Variants in DNAH5 observed in about 807,000 individuals in gnomAD.
DNAH5 encodes the protein axonemal beta dynein heavy chain 5.
A neutral mutation model predicts 518.2 loss-of-function variants in DNAH5; 372 were observed. The observed-to-expected ratio is 0.72, with a 90% CI of 0.66 to 0.78. DNAH5 has a LOEUF of 0.78. DNAH5 is among the 30% of genes least tolerant of loss of function. The pLI is 0.00. For synonymous variants in DNAH5, 2,039 were observed against 2,025.9 expected (o/e 1.01, Z -0.17); for missense variants, 5,523 against 5,687.0 (o/e 0.97, Z 0.93).
chr5:13,984,677 G>C lies in DNAH5; in HGVS notation c.12+26971C>G, dbSNP rs1421548019. ...ATTGGCTGTGGGTTTGTCATAAATA[G>C]CTCTTATTATTTTTAGATATGTTCC... is the stretch of plus-strand genomic sequence containing the variant. On this transcript the variant is annotated intron_variant, in intron 1 of 78. Transcript: ENST00000681290. 2.6e-5 allele frequency among the ~76,000 whole-genome samples: 4 copies of C among 152,128 alleles called. No individual in the cohort carries two copies. In the East Asian group the frequency reaches 7.7e-4, roughly 29 times the overall value.
At chr5:14,009,654 G>A (rs1365128581) in intron 1 of DNAH5, among the ~76,000 whole-genome samples, 1 of 152,180 alleles carries the variant, frequency 6.6e-6, no homozygotes, top group Non-Finnish European at 1.5e-5. Context: ...AAACAGAGGA[G>A]GACTGGGCCA....
intron 51 of DNAH5, among the ~76,000 whole-genome samples, chr5:13,788,040 GA>G (rs1488526209): frequency 6.6e-6 from 1 of 152,026 alleles, no homozygotes; most frequent in Admixed American, 6.5e-5. Context: ...CTTCTGAGGG[GA>G]AAAAAAGTGG....
chr5:13,735,137 T>A lies in DNAH5; in HGVS notation c.11755A>T (p.Ile3919Phe), dbSNP rs1268213717. The A allele has an allele frequency of 5.0e-6, 8 of 1,613,830 alleles. No homozygotes were observed. Among genetic ancestry groups the A allele is most frequent in the Non-Finnish European group, 6.8e-6 (8 of 1,179,850 alleles). ...TCTCTATTCTTATATTGACCTTTAA[T>A]AAGAGTGAGAAACTCTTCATGCTTG... ...RVKHEEFLTLIKGGASLDLKA... is the reference protein window; with the variant it reads ...RVKHEEFLTLFKGGASLDLKA... Residue 3919 changes from isoleucine (I) to phenylalanine (F), a missense_variant, in exon 68 of 79, where the codon ATT (isoleucine) becomes TTT (phenylalanine). Ile to Phe is a conservative substitution (Grantham distance 21). Transcript: ENST00000265104.
chr5:13,752,082 C>T lies in DNAH5; in HGVS notation c.11028+52G>A, dbSNP rs115374116. The T allele has an allele frequency of 0.017, 27,120 of 1,588,642 alleles. 316 individuals carry two copies. The highest frequency in any genetic ancestry group is 0.021 in the Non-Finnish European group (24,285 of 1,157,274). The stretch of plus-strand genomic sequence containing the variant: ...GAGAATTCTATCTGTGTCACATTGA[C>T]CTGGCCTCATGGTAATTGTTCTGCA... On this transcript the variant is annotated intron_variant, in intron 64 of 78. Coordinates refer to ENST00000265104, the MANE Select transcript of DNAH5 (RefSeq NM_001369.3).
In DNAH5 at chr5:13,788,993, G is replaced by T. The variant is rs1315713680; in HGVS notation, c.8449-79C>A. On this transcript the variant is annotated intron_variant, in intron 50 of 78. Coordinates refer to ENST00000265104, the MANE Select transcript of DNAH5 (RefSeq NM_001369.3). Reference sequence around the variant, plus strand: ...GAATTCAGGTTGACAGTACTGTAGAGTATTATCCTTCCTGATTTAAGATTC... The same window carrying T: ...GAATTCAGGTTGACAGTACTGTAGATTATTATCCTTCCTGATTTAAGATTC... 6.3e-6 allele frequency: 8 copies of T among 1,266,238 alleles called. No homozygotes were observed. The African/African-American group carries it at 1.0e-4, about 16-fold the overall frequency. The allele number at this position is 1,266,238 out of a possible 1,614,324, so 78.4% of individuals were successfully genotyped here.
intron 40 of DNAH5, among the ~76,000 whole-genome samples, chr5:13,821,534 T>G (rs972401263): frequency 3.3e-5 from 5 of 152,186 alleles, no homozygotes; most frequent in Admixed American, 6.5e-5. Flanking sequence ...GCAGAGTGAC[T>G]AAGCAATTTG....
intron 27 of DNAH5, among the ~76,000 whole-genome samples, chr5:13,865,032 C>T (rs1354328922): frequency 4.3e-5 from 5 of 116,454 alleles, no homozygotes; most frequent in South Asian, 2.7e-4. Context: ...TTTTTTGAGA[C>T]GGAGTATAGC....
chr5:13,784,126 G>T (rs1755614234), intron 52 of DNAH5, among the ~76,000 whole-genome samples: 1 of 152,156 alleles, frequency 6.6e-6, no homozygotes, highest in South Asian at 2.1e-4. Context: ...ACTTGCTCAA[G>T]CACGACACTT....
At chr5:13,864,740 T>C (rs1768974651) in intron 27 of DNAH5, 103 bp from the exon 28 acceptor site, 3 of 1,258,790 alleles carry the variant, frequency 2.4e-6, no homozygotes, top group Non-Finnish European at 3.5e-6. Flanking sequence ...TCTCTTTGAA[T>C]ACTTATCCTA....
At chr5:13,839,611 A>C in intron 34 of DNAH5, 83 bp from the exon 35 acceptor site, 1 of 1,236,160 alleles carries the variant, frequency 8.1e-7, no homozygotes, top group Non-Finnish European at 1.2e-6. Context: ...TGTAGATCAT[A>C]AAGTGAAATA....
At chr5:13,990,759 T>C (rs1037306397) in intron 1 of DNAH5, among the ~76,000 whole-genome samples, 6 of 150,506 alleles carry the variant, frequency 4.0e-5, no homozygotes, top group Non-Finnish European at 8.9e-5. Flanking sequence ...CCCAGCTACT[T>C]GGGAGGCTGA....
At position 13,707,724 on chromosome 5, in the gene DNAH5, G is replaced by A. The variant is rs776485356; in HGVS notation, c.13338+399C>T. On this transcript the variant is annotated intron_variant, in intron 76 of 78. Transcript: ENST00000265104. This position sits in a 1 kb window ranked among gnomAD's most constrained non-coding sequence, Gnocchi z 4.0. The stretch of plus-strand genomic sequence containing the variant: ...TTTTGGTGTGACTTTTGATGTTAGG[G>A]TGAGGCATGTTTCCTTCTATGAAAC... 2.0e-5 allele frequency among the ~76,000 whole-genome samples: 3 copies of A among 152,060 alleles called. No homozygotes were observed. The highest frequency in any genetic ancestry group is 4.4e-5 in the Non-Finnish European group (3 of 68,024).
At chr5:14,009,793 C>T (rs1395046907) in intron 1 of DNAH5, among the ~76,000 whole-genome samples, 1 of 152,156 alleles carries the variant, frequency 6.6e-6, no homozygotes, top group Non-Finnish European at 1.5e-5. Context: ...AGTTGTAAAA[C>T]AGTGTTTACA....
At chr5:13,799,243 C>T (rs1454385481) in intron 47 of DNAH5, among the ~76,000 whole-genome samples, 2 of 140,524 alleles carry the variant, frequency 1.4e-5, no homozygotes, top group Admixed American at 1.4e-4. Flanking sequence ...TTTGCATTTG[C>T]TAAATTTGCT....
chr5:13,864,423 G>A lies in DNAH5; in HGVS notation c.4570C>T (p.Leu1524Phe), dbSNP rs774488352. 1.9e-6 allele frequency: 3 copies of A among 1,613,896 alleles called. No homozygotes were observed. The African/African-American group carries it at 4.0e-5, about 22-fold the overall frequency. Residue 1524 changes from leucine to phenylalanine, a missense_variant, in exon 28 of 79, where the codon CTT becomes TTT. By Grantham distance (22) the Leu-to-Phe change is conservative. This residue lies in a region of DNAH5 where 5,121 missense variants were observed against 5,223.3 expected (regional missense o/e 0.98). Transcript: ENST00000265104. ...TCTATTTCCTCTTTATATTTCAGAAGAGGTGCCTCCATGATATTTCTTAAC... is the reference window on the plus strand; with the variant it reads ...TCTATTTCCTCTTTATATTTCAGAAAAGGTGCCTCCATGATATTTCTTAAC... ...FKLRNIMEAP[L>F]LKYKEEIEDI...
rs142336133 is a variant in DNAH5, at chr5:13,836,734, T to C, written c.5882+2622A>G. On this transcript the variant is annotated intron_variant, in intron 35 of 78. Coordinates refer to ENST00000265104, the MANE Select transcript of DNAH5 (RefSeq NM_001369.3). ...TAAACATCTTACCTTCCACAGCTAA[T>C]GGGACTTTGCAGATGTCATTAATGT... Among the ~76,000 whole-genome samples the C allele has an allele frequency of 2.0e-3, 303 of 152,370 alleles. 1 individual carries two copies. The highest frequency in any genetic ancestry group is 7.0e-3 in the African/African-American group (289 of 41,582).
Position 13,894,646 on chromosome 5 carries a change from T to G in DNAH5, c.2431+4A>C. The G allele has an allele frequency of 1.2e-6, 2 of 1,613,912 alleles. No homozygotes were observed. The highest frequency in any genetic ancestry group is 1.7e-6 in the Non-Finnish European group (2 of 1,179,848). ...AGAAATACTAATTATTCAGGCAGAC[T>G]TACTGATCTTTGCAAAAGTGTTTTC... On this transcript the variant is annotated splice_donor_region_variant and intron_variant, in intron 16 of 78. Coordinates refer to ENST00000265104, the MANE Select transcript of DNAH5 (RefSeq NM_001369.3).
intron 17 of DNAH5, among the ~76,000 whole-genome samples, 153 bp from the exon 18 acceptor site, chr5:13,886,282 C>T (rs1772425953): frequency 6.6e-6 from 1 of 152,188 alleles, no homozygotes; most frequent in Non-Finnish European, 1.5e-5. Flanking sequence ...CACAATAGCA[C>T]AGGCCAGGTG....
intron 1 of DNAH5, among the ~76,000 whole-genome samples, chr5:13,978,800 T>C (rs1782463765): frequency 6.6e-6 from 1 of 152,174 alleles, no homozygotes; most frequent in Non-Finnish European, 1.5e-5. Context: ...ATGATGAAAT[T>C]GTGTAATGGC....
Sources: allele counts gnomAD v4.1 joint callset (sites outside exome capture counted in the v4.1 genomes callset), GRCh38; gene constraint gnomAD v4.1.1; regional missense constraint gnomAD v4.1.1; non-coding constraint Gnocchi (gnomAD v3.1); transcripts MANE v1.5; gene names NCBI Gene and HGNC (gene_info 2026-07-23, HGNC 2026-07-21).